Variants in NBEA observed in about 807,000 individuals in gnomAD.
NBEA encodes the protein lysosomal-trafficking regulator 2.
A neutral mutation model predicts 343.4 loss-of-function variants in NBEA; 44 were observed. The ratio of observed to expected loss-of-function variants is 0.13; its 90% confidence interval spans 0.10 to 0.16. The LOEUF (loss-of-function observed/expected upper bound fraction) is 0.16. Ranked by LOEUF, NBEA falls within the 10% of genes least tolerant of loss-of-function variation. The pLI is 1.00. For missense variants in NBEA, 2,555 were observed against 3,631.3 expected (o/e 0.70, Z 7.62); for synonymous variants, 1,175 against 1,238.7 (o/e 0.95, Z 1.08).
intron 38 of NBEA, among the ~76,000 whole-genome samples, chr13:35,367,610 A>T (rs2041196251): frequency 6.6e-6 from 1 of 150,720 alleles, no homozygotes; most frequent in South Asian, 2.1e-4. Flanking sequence ...GTAAGTAGTT[A>T]CCAAATTGTA....
intron 1 of NBEA, among the ~76,000 whole-genome samples, chr13:34,963,000 A>G (rs762210099): frequency 1.6e-4 from 25 of 152,076 alleles, no homozygotes; most frequent in Non-Finnish European, 3.2e-4. Flanking sequence ...AAACCTAGGC[A>G]CAGAGAAATT....
At chr13:35,398,726 T>C (rs759355692) in intron 38 of NBEA, among the ~76,000 whole-genome samples, 5 of 152,088 alleles carry the variant, frequency 3.3e-5, no homozygotes, top group Non-Finnish European at 7.4e-5. Flanking sequence ...GATTGTTCCA[T>C]TTTTAGAGCA....
chr13:35,553,409 G>T (rs1461325982), intron 43 of NBEA, among the ~76,000 whole-genome samples: 1 of 151,980 alleles, frequency 6.6e-6, no homozygotes, highest in Non-Finnish European at 1.5e-5. Context: ...AGTACCAAGT[G>T]GCAATGGGGA....
At chr13:35,605,351 C>A (rs750675708) in intron 47 of NBEA, among the ~76,000 whole-genome samples, 2 of 152,048 alleles carry the variant, frequency 1.3e-5, no homozygotes, top group Non-Finnish European at 2.9e-5. Context: ...TGGGAGAACT[C>A]GTGAAGAGAA....
intron 34 of NBEA, among the ~76,000 whole-genome samples, chr13:35,285,999 A>C (rs1173936453): frequency 1.3e-5 from 2 of 151,938 alleles, no homozygotes; most frequent in African/African-American, 2.4e-5. Context: ...CTTTCTTTCT[A>C]CTTTTTGCTT....
At chr13:35,519,462 T>A (rs2077611789) in intron 41 of NBEA, among the ~76,000 whole-genome samples, 1 of 152,202 alleles carries the variant, frequency 6.6e-6, no homozygotes, top group Admixed American at 6.5e-5. Flanking sequence ...AATGTTCATA[T>A]ACTAGTGCTT....
At chr13:35,665,027 G>A in intron 55 of NBEA, 58 bp from the exon 56 acceptor site, 1 of 1,148,078 alleles carries the variant, frequency 8.7e-7, no homozygotes, top group East Asian at 2.6e-5. Flanking sequence ...CATTGCTGGT[G>A]TAGCTCTCTC....
intron 1 of NBEA, among the ~76,000 whole-genome samples, chr13:35,011,117 G>C (rs527251514): frequency 6.6e-6 from 1 of 152,138 alleles, no homozygotes; most frequent in Admixed American, 6.6e-5. Flanking sequence ...GGTGGGCTCT[G>C]TATAGTCCTG....
intron 41 of NBEA, chr13:35,476,739 G>C: frequency 9.4e-7 from 1 of 1,060,910 alleles, no homozygotes; most frequent in Non-Finnish European, 1.2e-6. Context: ...GGCCAGGCAG[G>C]CGGGCGGCCA....
chr13:35,117,220 T>G (rs2066541409), intron 13 of NBEA, among the ~76,000 whole-genome samples, 194 bp from the exon 14 acceptor site: 1 of 151,764 alleles, frequency 6.6e-6, no homozygotes, highest in Admixed American at 6.6e-5. Flanking sequence ...CAGTAAATAA[T>G]TTGAAATTGT....
chr13:35,067,496 A>T (rs965382142), intron 8 of NBEA, among the ~76,000 whole-genome samples: 2 of 152,126 alleles, frequency 1.3e-5, no homozygotes, highest in Non-Finnish European at 2.9e-5. Context: ...GTACAAGTCA[A>T]TTATTTTTTT....
At chr13:35,194,568 A>G (rs940584714) in intron 30 of NBEA, among the ~76,000 whole-genome samples, 4 of 152,148 alleles carry the variant, frequency 2.6e-5, no homozygotes, top group Non-Finnish European at 5.9e-5. Flanking sequence ...ACAAATAGCT[A>G]ACATTTACTG....
chr13:35,413,959 A>T (rs1476737434), intron 38 of NBEA, among the ~76,000 whole-genome samples: 1 of 152,148 alleles, frequency 6.6e-6, no homozygotes, highest in African/African-American at 2.4e-5. Context: ...TAAGCTAGCA[A>T]ATCCAAACAG....
intron 1 of NBEA, among the ~76,000 whole-genome samples, chr13:35,001,058 T>A (rs1001365834): frequency 1.3e-5 from 2 of 152,106 alleles, no homozygotes; most frequent in Admixed American, 6.6e-5. Flanking sequence ...CATCTCAGCC[T>A]CCTGAGTAGT....
chr13:35,238,092 A>C (rs892094999), intron 34 of NBEA, among the ~76,000 whole-genome samples: 1 of 152,242 alleles, frequency 6.6e-6, no homozygotes, highest in Admixed American at 6.5e-5. Context: ...TTCAATTTAT[A>C]AACTAATGCA....
At chr13:35,650,707 A>T (rs2153079228) in intron 52 of NBEA, among the ~76,000 whole-genome samples, 1 of 152,150 alleles carries the variant, frequency 6.6e-6, no homozygotes, top group East Asian at 1.9e-4. Flanking sequence ...GTCTCAAAAT[A>T]AACAAACCAA....
At chr13:35,312,346 G>GA (rs61478915) in intron 36 of NBEA, among the ~76,000 whole-genome samples, 2 of 151,828 alleles carry the variant, frequency 1.3e-5, no homozygotes, top group African/African-American at 2.4e-5. Context: ...AGCCAAGTGA[G>GA]AAAAAAAAGT....
At chr13:35,152,292 T>C (rs535412266) in intron 18 of NBEA, among the ~76,000 whole-genome samples, 13 of 152,350 alleles carry the variant, frequency 8.5e-5, no homozygotes, top group African/African-American at 2.9e-4. Flanking sequence ...TCAAAGTTTT[T>C]CTCAAAATTA....
intron 36 of NBEA, among the ~76,000 whole-genome samples, chr13:35,313,498 G>A (rs1259801147): frequency 6.6e-6 from 1 of 152,200 alleles, no homozygotes; most frequent in Non-Finnish European, 1.5e-5. Flanking sequence ...GTTTAAGGAA[G>A]AATGTATGGT....
Sources: allele counts gnomAD v4.1 joint callset (sites outside exome capture counted in the v4.1 genomes callset), GRCh38; gene constraint gnomAD v4.1.1; transcripts MANE v1.5; gene names NCBI Gene and HGNC (gene_info 2026-07-23, HGNC 2026-07-21).